The following KAZN variants were observed in gnomAD, a reference collection of about 807,000 sequenced individuals.
KAZN encodes kazrin, periplakin interacting protein.
KAZN carries 40 observed loss-of-function variants against 87.4 expected under a neutral mutation model. That is an observed-to-expected ratio of 0.46 (90% CI 0.36 to 0.60). The LOEUF is 0.60. Among genes scored for constraint, KAZN ranks in the 20% least tolerant of loss-of-function variants. The pLI, the probability that KAZN is intolerant of heterozygous loss-of-function variation, is 0.00. For missense variants in KAZN, 898 were observed against 1,073.9 expected (o/e 0.84, Z 2.29); for synonymous variants, 466 against 458.3 (o/e 1.02, Z -0.22).
chr1:14,709,085 GC>G (rs1299776157), intron 1 of KAZN, among the ~76,000 whole-genome samples: 5 of 152,160 alleles, frequency 3.3e-5, no homozygotes, highest in Admixed American at 1.3e-4. Context: ...CAGGCATGGT[GC>G]TAGGTGACAC....
intron 1 of KAZN, among the ~76,000 whole-genome samples, chr1:14,858,203 C>CTTTTGCTT (rs1572663679): frequency 5.3e-5 from 5 of 95,102 alleles, no homozygotes; most frequent in South Asian, 3.1e-4. Context: ...TTTCTTTTTT[C>CTTTTGCTT]TTTTTCTTTT....
At chr1:14,999,417 A>C (rs149130674) in intron 2 of KAZN, among the ~76,000 whole-genome samples, 2,198 of 152,208 alleles carry the variant, frequency 0.014, 23 homozygotes, top group Non-Finnish European at 0.023. Flanking sequence ...CCTGCCTCCA[A>C]GGTGCTCACA....
chr1:14,789,356 A>G (rs1253513009), intron 1 of KAZN, among the ~76,000 whole-genome samples: 1 of 152,194 alleles, frequency 6.6e-6, no homozygotes, highest in East Asian at 1.9e-4. Context: ...CATTCCGGTC[A>G]GCTGATGTGC....
intron 2 of KAZN, among the ~76,000 whole-genome samples, chr1:14,533,083 T>C (rs7540545): frequency 0.43 from 65,975 of 152,024 alleles, 14,872 homozygotes; most frequent in Middle Eastern, 0.56. Flanking sequence ...TTTAGAAAGC[T>C]TAATTCCTCT....
At chr1:13,908,007 G>A (rs1639511385) in intron 1 of KAZN, among the ~76,000 whole-genome samples, 1 of 152,234 alleles carries the variant, frequency 6.6e-6, no homozygotes, top group South Asian at 2.1e-4. Context: ...ATTAGCAGTG[G>A]TAGCAGGAGA....
At position 14,426,961 on chromosome 1, in the gene KAZN, C is replaced by A. The variant is rs79668736; in HGVS notation, c.250-172022C>A. Among the ~76,000 whole-genome samples the A allele has an allele frequency of 5.7e-3, 869 of 152,294 alleles. 13 individuals are homozygous for A. Among genetic ancestry groups the A allele is most frequent in the African/African-American group, 0.019 (810 of 41,574 alleles). ...AATTGTGAACAAGGTACCTACTGTA[C>A]ACCAGGCACAGAGCTAGGTACTGGA... On this transcript the variant is annotated intron_variant, in intron 2 of 16. Transcript: ENST00000636203.
chr1:14,497,279 GT>G (rs1669992938), intron 2 of KAZN, among the ~76,000 whole-genome samples: 1 of 119,224 alleles, frequency 8.4e-6, no homozygotes, highest in South Asian at 2.9e-4. Flanking sequence ...GAGAATGACT[GT>G]TTTTATTGCA....
Position 15,077,552 on chromosome 1 carries a change from C to T in KAZN, c.1222+11799C>T, listed in dbSNP as rs1261878197. ...TCACTGCAGGAATCCTGAGCTCCAC[C>T]GCTCCTCCGCAAGGGCTACACAGGA... On this transcript the variant is annotated intron_variant, in intron 8 of 14. Transcript: ENST00000376030. The surrounding 1 kb of genome is among the most constrained non-coding windows in gnomAD (Gnocchi z 4.8). Among the ~76,000 whole-genome samples the T allele has an allele frequency of 1.3e-5, 2 of 152,214 alleles. No homozygotes were observed. Among genetic ancestry groups the T allele is most frequent in the African/African-American group, 2.4e-5 (1 of 41,452 alleles).
At chr1:14,679,059 C>T (rs1183282964) in intron 1 of KAZN, among the ~76,000 whole-genome samples, 1 of 152,222 alleles carries the variant, frequency 6.6e-6, no homozygotes, top group Non-Finnish European at 1.5e-5. Flanking sequence ...ATGTGCCAGA[C>T]ACTCGTCACG....
chr1:14,370,765 G>A (rs1173731869), intron 2 of KAZN, among the ~76,000 whole-genome samples: 1 of 152,156 alleles, frequency 6.6e-6, no homozygotes, highest in Non-Finnish European at 1.5e-5. Context: ...GCTCACTGCA[G>A]CCTGGACCTC....
At chr1:14,513,405 C>G (rs1404427788) in intron 2 of KAZN, among the ~76,000 whole-genome samples, 1 of 152,126 alleles carries the variant, frequency 6.6e-6, no homozygotes, top group Non-Finnish European at 1.5e-5. Flanking sequence ...CACTGGGTGG[C>G]TGGGAATAGC....
At chr1:14,665,932 CA>C (rs60081619) in intron 1 of KAZN, among the ~76,000 whole-genome samples, 24,192 of 107,838 alleles carry the variant, frequency 0.22, 2,100 homozygotes, top group East Asian at 0.39. Context: ...AAGCTTTGCT[CA>C]AAAAAAAAAA....
At chr1:14,155,398 T>A (rs560875412) in intron 1 of KAZN, among the ~76,000 whole-genome samples, 1 of 152,286 alleles carries the variant, frequency 6.6e-6, no homozygotes, top group African/African-American at 2.4e-5. Flanking sequence ...ATCTCTGCAT[T>A]TATTTATTTG....
intron 2 of KAZN, among the ~76,000 whole-genome samples, chr1:14,479,049 C>A (rs1668928355): frequency 1.3e-5 from 2 of 152,224 alleles, no homozygotes; most frequent in African/African-American, 4.8e-5. Context: ...AACTGTCCAT[C>A]TGAAGGATTA....
At chr1:14,229,035 C>T (rs1358133305) in intron 2 of KAZN, among the ~76,000 whole-genome samples, 3 of 152,192 alleles carry the variant, frequency 2.0e-5, no homozygotes, top group Non-Finnish European at 4.4e-5. Flanking sequence ...AGTCCAAAGC[C>T]TTGGAAGTGT....
rs140972798 is a variant in KAZN, at chr1:14,119,113, A to T, written c.92-61322A>T. On this transcript the variant is annotated intron_variant, in intron 1 of 16. Transcript: ENST00000636203. ...TCTTTTTCAGAGACAACACTAGGTA[A>T]GAAGAGTCACCAATGAAAAACATTC... Among the ~76,000 whole-genome samples, 180 of 152,324 alleles carry T rather than the reference A, an allele frequency of 1.2e-3. 2 individuals are homozygous for T. The South Asian group carries it at 0.018, about 15-fold the overall frequency.
chr1:14,150,377 A>G (rs1473477710), intron 1 of KAZN, among the ~76,000 whole-genome samples: 1 of 152,212 alleles, frequency 6.6e-6, no homozygotes, highest in African/African-American at 2.4e-5. Flanking sequence ...CCTTTATGGT[A>G]GAAGGGTTCC....
At chr1:14,813,738 A>G (rs1390670750) in intron 1 of KAZN, among the ~76,000 whole-genome samples, 1 of 152,224 alleles carries the variant, frequency 6.6e-6, no homozygotes, top group East Asian at 1.9e-4. Flanking sequence ...TCTAGTGGAC[A>G]TTTTGGAATG....
At chr1:14,169,333 CTTG>C (rs1322352030) in intron 1 of KAZN, among the ~76,000 whole-genome samples, 7 of 152,210 alleles carry the variant, frequency 4.6e-5, no homozygotes, top group Admixed American at 3.3e-4. Context: ...CTGCTCTTCT[CTTG>C]TTGTCTCTCC....
Sources: gnomAD v4.1 joint callset for allele counts (sites outside exome capture counted in the v4.1 genomes callset) on GRCh38, gnomAD v4.1.1 for gene constraint, Gnocchi (gnomAD v3.1) non-coding constraint, MANE v1.5 for transcripts, NCBI Gene and HGNC (gene_info 2026-07-23, HGNC 2026-07-21) for gene names.